CDH2: variants seen among roughly 807,000 people sequenced by gnomAD.
The protein encoded by CDH2 is cadherin-2.
A neutral mutation model predicts 92.0 loss-of-function variants in CDH2; 17 were observed. The ratio of observed to expected loss-of-function variants is 0.18; its 90% CI spans 0.13 to 0.28. CDH2 has a LOEUF of 0.28. Among genes scored for constraint, CDH2 ranks in the 10% least tolerant of loss-of-function variants. The pLI, the probability that CDH2 is intolerant of heterozygous loss-of-function variation, is 1.00. For missense variants in CDH2, 862 were observed against 1,133.1 expected (o/e 0.76, Z 3.44); for synonymous variants, 419 against 415.9 (o/e 1.01, Z -0.09).
At chr18:28,053,486 C>T (rs1323041864) in intron 2 of CDH2, among the ~76,000 whole-genome samples, 1 of 152,114 alleles carries the variant, frequency 6.6e-6, no homozygotes, top group Admixed American at 6.5e-5. Flanking sequence ...GTTATTCATG[C>T]TAAATGAAAG....
rs185880787 is a variant in CDH2, at chr18:28,165,986, T to C, written c.60+10977A>G. On this transcript the variant is annotated intron_variant, in intron 1 of 15. Coordinates refer to ENST00000269141, the MANE Select transcript of CDH2 (RefSeq NM_001792.5). The stretch of plus-strand genomic sequence containing the variant: ...GCAAGACCTCTTTCCACAAAACACA[T>C]AGAAAAGTAAATTTCAGGTAAGTAA... Among the ~76,000 whole-genome samples, 45 of 151,200 alleles carry C rather than the reference T, an allele frequency of 3.0e-4. 1 individual carries two copies. The highest frequency in any genetic ancestry group is 8.7e-4 in the African/African-American group (36 of 41,274).
At chr18:28,045,348 C>T in intron 2 of CDH2, 1 of 451,750 alleles carries the variant, frequency 2.2e-6, no homozygotes, top group South Asian at 1.7e-5. Context: ...CTTTGTAAAA[C>T]CCAAAGCTTA....
intron 2 of CDH2, among the ~76,000 whole-genome samples, chr18:28,056,075 ATTTT>A (rs35738385): frequency 6.8e-6 from 1 of 147,740 alleles, no homozygotes; most frequent in Non-Finnish European, 1.5e-5. Context: ...GGTATAAAAG[ATTTT>A]TTTTTTTTTA....
intron 6 of CDH2, among the ~76,000 whole-genome samples, chr18:28,003,613 CCT>C (rs1313085206): frequency 6.6e-6 from 1 of 152,134 alleles, no homozygotes; most frequent in African/African-American, 2.4e-5. Context: ...CTCCCCAGTG[CCT>C]GAGTCACTTT....
chr18:27,992,954 C>T (rs1461794635), intron 8 of CDH2, 114 bp from the exon 9 acceptor site: 6 of 621,580 alleles, frequency 9.7e-6, no homozygotes, highest in South Asian at 8.1e-5. Flanking sequence ...ATTATCTACA[C>T]TAAATGAGGA....
At chr18:28,031,670 G>A (rs987608033) in intron 2 of CDH2, among the ~76,000 whole-genome samples, 1 of 152,028 alleles carries the variant, frequency 6.6e-6, no homozygotes, top group African/African-American at 2.4e-5. Context: ...AACAATGGAC[G>A]AGAAGGAAGA....
At chr18:28,088,807 C>T (rs185922519) in intron 2 of CDH2, among the ~76,000 whole-genome samples, 35 of 152,160 alleles carry the variant, frequency 2.3e-4, no homozygotes, top group African/African-American at 7.5e-4. Flanking sequence ...AGACACCATA[C>T]AAAGAAGCCA....
downstream of CDH2, among the ~76,000 whole-genome samples, chr18:27,948,801 A>G (rs894775576): frequency 6.6e-6 from 1 of 151,940 alleles, no homozygotes. Flanking sequence ...GAGTGTAAAT[A>G]TATTTTTGTA....
chr18:27,995,510 T>C (rs1270161593), intron 7 of CDH2, among the ~76,000 whole-genome samples: 1 of 152,114 alleles, frequency 6.6e-6, no homozygotes, highest in Non-Finnish European at 1.5e-5. Flanking sequence ...TCAGTTTTGT[T>C]AGCTGCTATT....
At chr18:28,045,259 T>C (rs1188399249) in intron 2 of CDH2, among the ~76,000 whole-genome samples, 1 of 152,176 alleles carries the variant, frequency 6.6e-6, no homozygotes, top group African/African-American at 2.4e-5. Context: ...ATGAGGCCTC[T>C]AGTAATAGCT....
chr18:28,147,792 A>T lies in CDH2; in HGVS notation c.61-8T>A. ...AGAAGCCTCTACAGACGCCTGCAAC[A>T]CAAGAAAAAAAAAAAAAATGTGTGC... is the stretch of plus-strand genomic sequence containing the variant. On this transcript the variant is annotated splice_polypyrimidine_tract_variant and splice_region_variant and intron_variant, in intron 1 of 15. Coordinates refer to ENST00000269141, the MANE Select transcript of CDH2 (RefSeq NM_001792.5). The T allele has an allele frequency of 6.6e-7, 1 of 1,503,842 alleles. No individual in the cohort carries two copies. Among genetic ancestry groups the T allele is most frequent in the Non-Finnish European group, 9.1e-7 (1 of 1,098,712 alleles). The allele number at this position is 1,503,842 out of a possible 1,614,324, so 93.2% of individuals were successfully genotyped here.
At chr18:27,971,413 T>C (rs2011656345) in intron 14 of CDH2, among the ~76,000 whole-genome samples, 1 of 149,674 alleles carries the variant, frequency 6.7e-6, no homozygotes, top group Non-Finnish European at 1.5e-5. Context: ...TAAAACGAAA[T>C]ATAGAAAATT....
chr18:28,171,976 ATAAAG>A (rs2016470717), intron 1 of CDH2, among the ~76,000 whole-genome samples: 1 of 152,138 alleles, frequency 6.6e-6, no homozygotes, highest in South Asian at 2.1e-4. Context: ...CTTTCATGAC[ATAAAG>A]TAATCAATCA....
At chr18:28,173,955 T>C (rs1402446009) in intron 1 of CDH2, among the ~76,000 whole-genome samples, 1 of 152,152 alleles carries the variant, frequency 6.6e-6, no homozygotes, top group Non-Finnish European at 1.5e-5. Flanking sequence ...GATTTTTTAA[T>C]ATAAAAAAGG....
chr18:28,027,944 TC>T (rs1192806141), intron 2 of CDH2, among the ~76,000 whole-genome samples: 1 of 151,886 alleles, frequency 6.6e-6, no homozygotes, highest in African/African-American at 2.4e-5. Flanking sequence ...GCGTAGAAGC[TC>T]CCTTTTCCCA....
At chr18:28,087,554 G>A (rs1567993341) in intron 2 of CDH2, among the ~76,000 whole-genome samples, 1 of 152,016 alleles carries the variant, frequency 6.6e-6, no homozygotes, top group Non-Finnish European at 1.5e-5. Flanking sequence ...TCCTGGGACA[G>A]TCTTCAACCA....
intron 1 of CDH2, chr18:28,159,183 C>T (rs2016267534): frequency 6.6e-6 from 1 of 152,230 alleles, no homozygotes; most frequent in African/African-American, 2.4e-5. Flanking sequence ...ATCTGAGCAG[C>T]TGGTGCCCAA....
intron 15 of CDH2, among the ~76,000 whole-genome samples, chr18:27,960,382 C>T (rs899503036): frequency 6.6e-6 from 1 of 152,160 alleles, no homozygotes; most frequent in African/African-American, 2.4e-5. Context: ...GGAAGAACAT[C>T]TTGTAGATGG....
chr18:28,011,755 T>C (rs2013105965), intron 4 of CDH2, 91 bp downstream of exon 4: 1 of 1,297,900 alleles, frequency 7.7e-7, no homozygotes, highest in African/African-American at 1.5e-5. Context: ...ATACATGTCA[T>C]AAATTCTACT....
Sources: gnomAD v4.1 joint callset for allele counts (sites outside exome capture counted in the v4.1 genomes callset) on GRCh38, gnomAD v4.1.1 for gene constraint, MANE v1.5 for transcripts, NCBI Gene and HGNC (gene_info 2026-07-23, HGNC 2026-07-21) for gene names.